The following AGK variants were observed in gnomAD, a reference collection of about 807,000 sequenced individuals.
AGK encodes the protein acylglycerol kinase.
In AGK, 52 loss-of-function variants were observed where a neutral mutation model predicts 66.4. The observed-to-expected ratio is 0.78, with a 90% confidence interval of 0.63 to 0.99. The LOEUF is 0.99. AGK is among the 50% of genes least tolerant of loss of function. AGK has a pLI of 0.00. For synonymous variants in AGK, 182 were observed against 181.1 expected (o/e 1.00, Z -0.04); for missense variants, 451 against 506.6 (o/e 0.89, Z 1.05).
In AGK at chr7:141,555,996, C is replaced by T. The variant is rs1562956794; in HGVS notation, c.101+429C>T. 6.6e-6 allele frequency among the ~76,000 whole-genome samples: 1 copy of T among 152,134 alleles called. No individual in the cohort carries two copies. Among genetic ancestry groups the T allele is most frequent in the Non-Finnish European group, 1.5e-5 (1 of 68,024 alleles). The stretch of plus-strand genomic sequence containing the variant: ...TCTGATGACACGTGCCCAAGGTGGT[C>T]TGAGCGCAGCTTGGTTTTATACATT... On this transcript the variant is annotated intron_variant, in intron 2 of 15. Coordinates refer to ENST00000649286, the MANE Select transcript of AGK (RefSeq NM_018238.4). This position sits in a 1 kb window ranked among gnomAD's most constrained non-coding sequence, Gnocchi z 4.2.
chr7:141,591,749 G>C (rs1796126036), intron 2 of AGK, among the ~76,000 whole-genome samples: 1 of 152,136 alleles, frequency 6.6e-6, no homozygotes, highest in South Asian at 2.1e-4. Flanking sequence ...CTGGGTATTT[G>C]ATTTCTTAAC....
intron 9 of AGK, among the ~76,000 whole-genome samples, chr7:141,628,877 A>C (rs1463160035): frequency 6.6e-6 from 1 of 152,218 alleles, no homozygotes; most frequent in Admixed American, 6.5e-5. Context: ...ATGATGCCTG[A>C]TAACTTGACT....
intron 9 of AGK, among the ~76,000 whole-genome samples, chr7:141,632,186 G>A (rs990536454): frequency 6.6e-6 from 1 of 150,950 alleles, no homozygotes; most frequent in African/African-American, 2.4e-5. Context: ...AGCCGAGATC[G>A]TGCCACTGCA....
chr7:141,643,211 T>TA (rs1461105993), intron 13 of AGK, among the ~76,000 whole-genome samples: 3 of 151,966 alleles, frequency 2.0e-5, no homozygotes, highest in East Asian at 1.9e-4. Context: ...CTTCACCCTA[T>TA]AAAAAAAATT....
intron 13 of AGK, among the ~76,000 whole-genome samples, chr7:141,648,265 A>G (rs983070364): frequency 1.3e-5 from 2 of 152,198 alleles, no homozygotes; most frequent in East Asian, 3.9e-4. Context: ...ATAATTTACT[A>G]TGATCCATCT....
intron 5 of AGK, among the ~76,000 whole-genome samples, chr7:141,602,173 T>TTGTGTG (rs71172608): frequency 0.022 from 2,806 of 125,330 alleles, 68 homozygotes; most frequent in African/African-American, 0.047. Flanking sequence ...GGAGATTTTC[T>TTGTGTG]TGTGTGTGTG....
At chr7:141,559,731 G>A (rs749345761) in intron 2 of AGK, among the ~76,000 whole-genome samples, 9 of 151,966 alleles carry the variant, frequency 5.9e-5, no homozygotes, top group East Asian at 1.9e-4. Context: ...TTATGAACAC[G>A]GGATGTCTTT....
At chr7:141,591,698 T>G (rs1304456448) in intron 2 of AGK, among the ~76,000 whole-genome samples, 1 of 152,238 alleles carries the variant, frequency 6.6e-6, no homozygotes, top group Non-Finnish European at 1.5e-5. Flanking sequence ...AAAATAACCT[T>G]TTTTCAAGTT....
chr7:141,581,006 A>G (rs2116897262), intron 2 of AGK, among the ~76,000 whole-genome samples: 1 of 152,080 alleles, frequency 6.6e-6, no homozygotes, highest in African/African-American at 2.4e-5. Flanking sequence ...AGGTATCCAA[A>G]GGCGAAAGTG....
chr7:141,626,440 A>C (rs569738837), intron 9 of AGK, among the ~76,000 whole-genome samples: 1 of 152,272 alleles, frequency 6.6e-6, no homozygotes, highest in Non-Finnish European at 1.5e-5. Context: ...CAAAGCCCAC[A>C]GTCTCAAAGT....
At chr7:141,580,743 G>A (rs1795864629) in intron 2 of AGK, among the ~76,000 whole-genome samples, 1 of 152,040 alleles carries the variant, frequency 6.6e-6, no homozygotes, top group Admixed American at 6.5e-5. Context: ...GTAAGGTCAA[G>A]TTGTTTGGAT....
At chr7:141,591,555 G>A (rs1796120191) in intron 2 of AGK, among the ~76,000 whole-genome samples, 1 of 152,114 alleles carries the variant, frequency 6.6e-6, no homozygotes. Context: ...AAAAAGCAAA[G>A]CTTGCTTATT....
chr7:141,632,617 T>C (rs1462805133), intron 9 of AGK, among the ~76,000 whole-genome samples: 3 of 152,220 alleles, frequency 2.0e-5, no homozygotes, highest in Non-Finnish European at 4.4e-5. Context: ...TGGGGCATTG[T>C]CAAGATGACT....
intron 2 of AGK, among the ~76,000 whole-genome samples, chr7:141,576,417 C>T (rs1462022894): frequency 1.3e-5 from 2 of 151,490 alleles, no homozygotes. Flanking sequence ...TTAAAGAGAG[C>T]AGGGGTACCA....
chr7:141,619,997 T>C (rs960658521), intron 8 of AGK, among the ~76,000 whole-genome samples: 3 of 152,226 alleles, frequency 2.0e-5, no homozygotes, highest in African/African-American at 7.2e-5. Flanking sequence ...CAATGGAATA[T>C]GGATAGTCTA....
At chr7:141,638,474 C>T (rs2117007800) in intron 11 of AGK, among the ~76,000 whole-genome samples, 1 of 152,008 alleles carries the variant, frequency 6.6e-6, no homozygotes, top group Non-Finnish European at 1.5e-5. Context: ...GAGTCTTGAG[C>T]AGAGGCATGA....
chr7:141,553,622 A>C (rs1795145344), intron 1 of AGK, among the ~76,000 whole-genome samples: 1 of 152,192 alleles, frequency 6.6e-6, no homozygotes, highest in Admixed American at 6.5e-5. Flanking sequence ...CACAGAGCCT[A>C]CCATATAGGT....
At chr7:141,641,450 C>A in intron 12 of AGK, 52 bp downstream of exon 12, 1 of 1,553,472 alleles carries the variant, frequency 6.4e-7, no homozygotes, top group Non-Finnish European at 8.7e-7. Context: ...TTTAGAAGTG[C>A]CCTAAAGTAG....
At chr7:141,591,005 A>T (rs879697905) in intron 2 of AGK, among the ~76,000 whole-genome samples, 1 of 152,008 alleles carries the variant, frequency 6.6e-6, no homozygotes, top group Non-Finnish European at 1.5e-5. Flanking sequence ...GTCTCCTGAA[A>T]ATCTTTGTTA....
Sources: gnomAD v4.1 joint callset for allele counts (sites outside exome capture counted in the v4.1 genomes callset) on GRCh38, gnomAD v4.1.1 for gene constraint, Gnocchi (gnomAD v3.1) non-coding constraint, MANE v1.5 for transcripts, NCBI Gene and HGNC (gene_info 2026-07-23, HGNC 2026-07-21) for gene names.